The following LRP2 variants were observed in gnomAD, a reference collection of about 807,000 sequenced individuals.
LRP2 encodes the protein low-density lipoprotein receptor-related protein 2.
LRP2 carries 172 observed loss-of-function variants against 531.0 expected under a neutral mutation model. That is an observed-to-expected ratio of 0.32 (90% CI 0.29 to 0.37). The LOEUF is 0.37. Among genes scored for constraint, LRP2 ranks in the 10% least tolerant of loss-of-function variants. The pLI is 1.00. For missense variants in LRP2, 5,167 were observed against 5,868.3 expected (o/e 0.88, Z 3.90); for synonymous variants, 1,992 against 2,027.6 (o/e 0.98, Z 0.47).
chr2:169,202,725 T>G, intron 43 of LRP2, 31 bp downstream of exon 43: 1 of 1,608,866 alleles, frequency 6.2e-7, no homozygotes, highest in Non-Finnish European at 8.5e-7. Flanking sequence ...TGCCATTAGC[T>G]CCTACCAAAA....
At chr2:169,334,454 C>A (rs564606814) in intron 1 of LRP2, among the ~76,000 whole-genome samples, 2 of 152,012 alleles carry the variant, frequency 1.3e-5, no homozygotes, top group African/African-American at 2.4e-5. Flanking sequence ...TGTTGGGTAC[C>A]TATAGTTACA....
chr2:169,261,698 G>T (rs1054581387), intron 16 of LRP2, among the ~76,000 whole-genome samples: 2 of 151,968 alleles, frequency 1.3e-5, no homozygotes, highest in Non-Finnish European at 2.9e-5. Context: ...CTTCTGAAAT[G>T]ATTCCAATCA....
At chr2:169,189,710 T>G (rs1687764926) in intron 48 of LRP2, among the ~76,000 whole-genome samples, 2 of 152,170 alleles carry the variant, frequency 1.3e-5, no homozygotes, top group Non-Finnish European at 2.9e-5. Context: ...AGCAAGGAGA[T>G]GCACACTAAC....
rs186711451 is a variant in LRP2, at chr2:169,215,503, C to T, written c.5826+750G>A. Among the ~76,000 whole-genome samples the T allele has an allele frequency of 6.6e-5, 10 of 152,072 alleles. No individual in the cohort carries two copies. In the East Asian group the frequency reaches 1.2e-3, roughly 18 times the overall value. ...TGAAAATCACCACTAAAGAAAGTTT[C>T]GCATGTGCATTAATCATGTTAAAAT... On this transcript the variant is annotated intron_variant, in intron 35 of 78. Transcript: ENST00000649046.
Position 169,279,609 on chromosome 2 carries a change from C to A in LRP2, c.1342-14G>T. On this transcript the variant is annotated splice_polypyrimidine_tract_variant and intron_variant, in intron 11 of 78. Coordinates refer to ENST00000649046, the MANE Select transcript of LRP2 (RefSeq NM_004525.3). ...AACTGAAAAAACCTGAAAGAAAAAC[C>A]AAAATTATTATATTTCTTCAGCATC... 1 of 1,510,758 alleles carries A rather than the reference C, an allele frequency of 6.6e-7. No homozygotes were observed. Among genetic ancestry groups the A allele is most frequent in the Non-Finnish European group, 9.2e-7 (1 of 1,087,286 alleles). 93.6% of individuals were successfully genotyped at this position (1,510,758 alleles called of 1,614,324 possible).
At chr2:169,320,618 C>T (rs1363764468) in intron 2 of LRP2, among the ~76,000 whole-genome samples, 159 bp downstream of exon 2, 1 of 152,142 alleles carries the variant, frequency 6.6e-6, no homozygotes, top group African/African-American at 2.4e-5. Context: ...ATTGTTAATG[C>T]CATCAGTTCT....
chr2:169,196,893 G>T lies in LRP2; in HGVS notation c.8698+18C>A, dbSNP rs754426606. 5.0e-6 allele frequency: 8 copies of T among 1,613,954 alleles called. No individual in the cohort carries two copies. The highest frequency in any genetic ancestry group is 6.8e-6 in the Non-Finnish European group (8 of 1,179,960). ...CTAGCTGCATCGTGATGTTTTTCAT[G>T]CTTGCTTACTCTCTTACCACAAGAG... On this transcript the variant is annotated intron_variant, in intron 46 of 78. Coordinates refer to ENST00000649046, the MANE Select transcript of LRP2 (RefSeq NM_004525.3).
chr2:169,338,031 C>T (rs761194111), intron 1 of LRP2, among the ~76,000 whole-genome samples: 3 of 151,860 alleles, frequency 2.0e-5, no homozygotes, highest in Non-Finnish European at 2.9e-5. Flanking sequence ...CGCTTGCGCC[C>T]GGGAGTTTGA....
chr2:169,192,864 T>G lies in LRP2; in HGVS notation c.8831-831A>C, dbSNP rs1179338410. 2.0e-5 allele frequency among the ~76,000 whole-genome samples: 3 copies of G among 152,192 alleles called. No individual in the cohort carries two copies. In the East Asian group the frequency reaches 5.8e-4, roughly 29 times the overall value. On this transcript the variant is annotated intron_variant, in intron 47 of 78. Transcript: ENST00000649046. ...GGTGGATAGGGTAAATGTGGAGTTG[T>G]GACCCACCACCAAAGTCACAACACA...
intron 1 of LRP2, among the ~76,000 whole-genome samples, chr2:169,331,364 T>C (rs1320992207): frequency 6.6e-6 from 1 of 152,214 alleles, no homozygotes; most frequent in African/African-American, 2.4e-5. Flanking sequence ...GTCCAAGTTT[T>C]TACCAAGAAC....
rs531158757 is a variant in LRP2 at position 169,159,302 on chromosome 2, A to G, written c.11888-1800T>C. 2.6e-5 allele frequency among the ~76,000 whole-genome samples: 4 copies of G among 152,318 alleles called. No individual in the cohort carries two copies. The South Asian group carries it at 6.2e-4, about 24-fold the overall frequency. On this transcript the variant is annotated intron_variant, in intron 63 of 78. Transcript: ENST00000649046. ...ATAGATTTATATCTATCTGTTTTCCATAGTATGCAATGAGGTGAACTTAAT... is the reference window on the plus strand; with the variant it reads ...ATAGATTTATATCTATCTGTTTTCCGTAGTATGCAATGAGGTGAACTTAAT...
chr2:169,277,538 G>A (rs547279480), intron 13 of LRP2, among the ~76,000 whole-genome samples: 3 of 152,136 alleles, frequency 2.0e-5, no homozygotes, highest in African/African-American at 7.2e-5. Context: ...TTTAATGAGC[G>A]TTTACCTCTT....
chr2:169,198,743 C>A, intron 45 of LRP2, 43 bp downstream of exon 45: 1 of 1,607,668 alleles, frequency 6.2e-7, no homozygotes, highest in South Asian at 1.1e-5. Flanking sequence ...TCACAACATG[C>A]ATCTCTGGAA....
chr2:169,220,803 T>G (rs775536412), intron 33 of LRP2, among the ~76,000 whole-genome samples: 2 of 152,180 alleles, frequency 1.3e-5, no homozygotes, highest in Non-Finnish European at 2.9e-5. Flanking sequence ...CCAACTCACC[T>G]AAAATTTCAG....
chr2:169,145,947 A>C (rs1243019577), intron 69 of LRP2, 24 bp from the exon 70 acceptor site: 1 of 1,612,536 alleles, frequency 6.2e-7, no homozygotes, highest in African/African-American at 1.3e-5. Flanking sequence ...GGGGAAAAAC[A>C]AAACAGAAGG....
intron 1 of LRP2, among the ~76,000 whole-genome samples, chr2:169,328,739 C>A (rs1685189894): frequency 6.6e-6 from 1 of 152,114 alleles, no homozygotes; most frequent in Non-Finnish European, 1.5e-5. Flanking sequence ...TTAACCAACT[C>A]CCCCAAGGGC....
intron 34 of LRP2, among the ~76,000 whole-genome samples, chr2:169,220,037 C>G (rs1299716383): frequency 6.6e-6 from 1 of 152,136 alleles, no homozygotes; most frequent in African/African-American, 2.4e-5. Context: ...ATCCCTTGGC[C>G]TCAAGAGTCA....
chr2:169,178,219 T>C (rs1687286135), intron 52 of LRP2, among the ~76,000 whole-genome samples, 193 bp from the exon 53 acceptor site: 1 of 152,206 alleles, frequency 6.6e-6, no homozygotes, highest in African/African-American at 2.4e-5. Context: ...GAACAAAAGA[T>C]GTAGAAGTGA....
chr2:169,135,864 C>CA (rs1685485393), intron 76 of LRP2, among the ~76,000 whole-genome samples: 1 of 152,200 alleles, frequency 6.6e-6, no homozygotes, highest in African/African-American at 2.4e-5. Context: ...TCACCGTTCT[C>CA]AACTACTCAT....
Sources: allele counts gnomAD v4.1 joint callset (sites outside exome capture counted in the v4.1 genomes callset), GRCh38; gene constraint gnomAD v4.1.1; transcripts MANE v1.5; gene names NCBI Gene and HGNC (gene_info 2026-07-23, HGNC 2026-07-21).